ZNRF2: variants seen among roughly 807,000 people sequenced by gnomAD.
ZNRF2 encodes the protein zinc and ring finger 2, also known as E3 ubiquitin-protein ligase ZNRF2.
In ZNRF2, 16 loss-of-function variants were observed where a neutral mutation model predicts 20.4. The ratio of observed to expected loss-of-function variants is 0.79; its 90% confidence interval spans 0.53 to 1.19. The LOEUF (loss-of-function observed/expected upper bound fraction) is 1.19. Ranked by LOEUF, ZNRF2 falls within the 50% of genes most tolerant of loss-of-function variation. ZNRF2 has a pLI of 0.00. For synonymous variants in ZNRF2, 178 were observed against 144.9 expected (o/e 1.23, Z -1.64); for missense variants, 363 against 332.4 (o/e 1.09, Z -0.72).
intron 1 of ZNRF2, among the ~76,000 whole-genome samples, chr7:30,315,143 C>T (rs1799349995): frequency 6.6e-6 from 1 of 152,000 alleles, no homozygotes; most frequent in Non-Finnish European, 1.5e-5. Flanking sequence ...TTAAGATATC[C>T]AAGACTTGGT....
intron 1 of ZNRF2, among the ~76,000 whole-genome samples, chr7:30,295,014 G>GGAGAGAGAGAGAGAGAGAGA (rs1161510140): frequency 4.0e-5 from 1 of 25,222 alleles, no homozygotes; most frequent in Non-Finnish European, 8.7e-5. Context: ...AGGGAGGGAA[G>GGAGAGAGAGAGAGAGAGAGA]GAGAGAGAGA....
intron 2 of ZNRF2, among the ~76,000 whole-genome samples, chr7:30,325,395 T>G (rs1194880341): frequency 6.6e-6 from 1 of 152,300 alleles, no homozygotes; most frequent in East Asian, 1.9e-4. Context: ...ATTAGAGATA[T>G]AGCAGTGAAT....
At chr7:30,289,461 T>C (rs1798855978) in intron 1 of ZNRF2, among the ~76,000 whole-genome samples, 2 of 152,208 alleles carry the variant, frequency 1.3e-5, no homozygotes, top group Non-Finnish European at 1.5e-5. Flanking sequence ...AATTAATCTA[T>C]TTCCTATTCC....
intron 1 of ZNRF2, among the ~76,000 whole-genome samples, chr7:30,319,013 G>A (rs1799420926): frequency 6.6e-6 from 1 of 151,978 alleles, no homozygotes; most frequent in Non-Finnish European, 1.5e-5. Flanking sequence ...TCGGGAGGCT[G>A]AGGCAAGAGA....
chr7:30,285,284 T>C lies in ZNRF2; in HGVS notation c.-74T>C. ...GCCGCGGCGCCTGGGCCCTGCCCTC[T>C]AGCTCCCGCGCTCGCTCCCGCCCTC... On this transcript the variant is annotated 5_prime_UTR_variant, in exon 1 of 5. Coordinates refer to ENST00000323037, the MANE Select transcript of ZNRF2 (RefSeq NM_147128.4). The C allele has an allele frequency of 2.0e-6, 2 of 1,019,362 alleles. No homozygotes were observed. The highest frequency in any genetic ancestry group is 2.4e-6 in the Non-Finnish European group (2 of 847,062). 63.1% of individuals were successfully genotyped at this position (1,019,362 alleles called of 1,614,324 possible). A position where few individuals can be genotyped will look rare whatever the true frequency, so the allele number is the denominator to read the frequency against.
At chr7:30,295,037 G>A (rs1463406383) in intron 1 of ZNRF2, among the ~76,000 whole-genome samples, 1 of 112,978 alleles carries the variant, frequency 8.9e-6, no homozygotes, top group African/African-American at 4.1e-5. Flanking sequence ...GAGAGAGAGA[G>A]AGAGAGAGAG....
chr7:30,289,830 A>G (rs761643741), intron 1 of ZNRF2: 2 of 534,468 alleles, frequency 3.7e-6, no homozygotes, highest in Non-Finnish European at 7.7e-6. Flanking sequence ...CTGAGGGAGT[A>G]AGAGCCCTGT....
intron 2 of ZNRF2, among the ~76,000 whole-genome samples, chr7:30,351,638 A>C (rs1799962855): frequency 6.6e-6 from 1 of 152,034 alleles, no homozygotes; most frequent in African/African-American, 2.4e-5. Flanking sequence ...GAAAAATGCC[A>C]AGGACTTAGT....
chr7:30,354,318 G>A (rs1022948396), intron 2 of ZNRF2, among the ~76,000 whole-genome samples: 4 of 152,076 alleles, frequency 2.6e-5, no homozygotes, highest in African/African-American at 4.8e-5. Flanking sequence ...CACTCCTAAC[G>A]TATTCAGTCC....
intron 1 of ZNRF2, among the ~76,000 whole-genome samples, chr7:30,316,019 T>C (rs992368105): frequency 2.6e-5 from 4 of 152,080 alleles, no homozygotes; most frequent in Non-Finnish European, 5.9e-5. Context: ...CTAGGCGCTG[T>C]GGCTCACACC....
intron 2 of ZNRF2, among the ~76,000 whole-genome samples, chr7:30,333,031 C>T (rs1424351226): frequency 6.6e-6 from 1 of 151,686 alleles, no homozygotes; most frequent in Non-Finnish European, 1.5e-5. Flanking sequence ...TCCATATCCT[C>T]ACCAACCTCT....
At chr7:30,339,385 G>GT (rs1421251928) in intron 2 of ZNRF2, among the ~76,000 whole-genome samples, 1 of 152,136 alleles carries the variant, frequency 6.6e-6, no homozygotes, top group Non-Finnish European at 1.5e-5. Flanking sequence ...TTCTTCTAGG[G>GT]TTTTTATGGT....
At chr7:30,344,494 G>GT (rs576672197) in intron 2 of ZNRF2, among the ~76,000 whole-genome samples, 12 of 151,292 alleles carry the variant, frequency 7.9e-5, no homozygotes, top group East Asian at 3.9e-4. Flanking sequence ...ATACTATTAA[G>GT]TTTTTTTTGT....
intron 3 of ZNRF2, 95 bp downstream of exon 3, chr7:30,355,928 C>T: frequency 1.3e-6 from 1 of 794,866 alleles, no homozygotes. Flanking sequence ...TGAAACCACC[C>T]CCTCCCTGTC....
At position 30,323,779 on chromosome 7, in the gene ZNRF2, A is replaced by G. The variant is rs376948932; in HGVS notation, c.565+42A>G. ...AAAATAATATTTTAAGTTAGAATTA[A>G]CTTACATTTTATGAATTTCATGTTT... On this transcript the variant is annotated intron_variant, in intron 2 of 4. Transcript: ENST00000323037. 430 of 1,259,630 alleles carry G rather than the reference A, an allele frequency of 3.4e-4. 5 individuals carry two copies. The South Asian group carries it at 6.1e-3, about 18-fold the overall frequency. The allele number at this position is 1,259,630 out of a possible 1,614,324, so 78.0% of individuals were successfully genotyped here.
chr7:30,310,374 A>G (rs1216462556), intron 1 of ZNRF2, among the ~76,000 whole-genome samples: 1 of 152,238 alleles, frequency 6.6e-6, no homozygotes, highest in Non-Finnish European at 1.5e-5. Context: ...TATTTTGAAC[A>G]GTTCTTAAAG....
At chr7:30,328,571 T>C (rs1799587534) in intron 2 of ZNRF2, among the ~76,000 whole-genome samples, 1 of 152,216 alleles carries the variant, frequency 6.6e-6, no homozygotes, top group Non-Finnish European at 1.5e-5. Context: ...ATAGATAAGC[T>C]CCTGAATTGG....
chr7:30,317,557 T>C (rs766105751), intron 1 of ZNRF2, among the ~76,000 whole-genome samples: 24 of 152,144 alleles, frequency 1.6e-4, no homozygotes, highest in Admixed American at 3.3e-4. Flanking sequence ...GGAAAATAAT[T>C]AAATGGCAAC....
At chr7:30,342,173 CTT>C (rs1482998914) in intron 2 of ZNRF2, among the ~76,000 whole-genome samples, 1 of 151,704 alleles carries the variant, frequency 6.6e-6, no homozygotes, top group African/African-American at 2.4e-5. Flanking sequence ...GGTCTTGACT[CTT>C]TATCCAATTT....
Sources: gnomAD v4.1 joint callset for allele counts (sites outside exome capture counted in the v4.1 genomes callset) on GRCh38, gnomAD v4.1.1 for gene constraint, MANE v1.5 for transcripts, NCBI Gene and HGNC (gene_info 2026-07-23, HGNC 2026-07-21) for gene names.